Variants in ANAPC7 observed in about 807,000 individuals in gnomAD.
The protein encoded by ANAPC7 is anaphase-promoting complex subunit 7.
A neutral mutation model predicts 63.3 loss-of-function variants in ANAPC7; 25 were observed. That is an observed-to-expected ratio of 0.39 (90% CI 0.29 to 0.55). The LOEUF (loss-of-function observed/expected upper bound fraction) is 0.55. ANAPC7 is among the 20% of genes least tolerant of loss of function. ANAPC7 has a pLI of 0.57. For missense variants in ANAPC7, 516 were observed against 691.7 expected (o/e 0.75, Z 2.85); for synonymous variants, 241 against 251.7 (o/e 0.96, Z 0.40).
chr12:110,382,754 C>G (rs925772544), intron 7 of ANAPC7, 89 bp downstream of exon 7: 2 of 1,140,760 alleles, frequency 1.8e-6, no homozygotes, highest in Non-Finnish European at 2.5e-6. Context: ...CCTCTTAAAC[C>G]TGTGCTTTCA....
chr12:110,401,044 C>T (rs1020556616), intron 1 of ANAPC7, among the ~76,000 whole-genome samples: 1 of 152,038 alleles, frequency 6.6e-6, no homozygotes, highest in Admixed American at 6.5e-5. Context: ...AGCAAGACTC[C>T]GTCTGAAAAG....
intron 3 of ANAPC7, among the ~76,000 whole-genome samples, chr12:110,394,522 G>A (rs1441869610): frequency 2.7e-5 from 4 of 150,756 alleles, no homozygotes; most frequent in African/African-American, 9.8e-5. Flanking sequence ...CCAGCTACTC[G>A]GGAGGCTGAG....
rs765593613 is a variant in ANAPC7, at chr12:110,374,126, C to T, written c.*18G>A. 5 of 1,598,290 alleles carry T rather than the reference C, an allele frequency of 3.1e-6. No individual in the cohort carries two copies. In the South Asian group the frequency reaches 4.5e-5, roughly 14 times the overall value. On this transcript the variant is annotated 3_prime_UTR_variant, in exon 11 of 11. Transcript: ENST00000455511. Reference sequence around the variant, plus strand: ...TCAGAGCAGGGCAGGCCACTGCGGCCATGGAGCTGCCGCCCCCTCACTGCA... The same window carrying T: ...TCAGAGCAGGGCAGGCCACTGCGGCTATGGAGCTGCCGCCCCCTCACTGCA...
rs781367378 is a variant in ANAPC7 at position 110,381,780 on chromosome 12, G to T, written c.1104C>A (p.Leu368=). Residue 368 remains leucine (L), a synonymous_variant, in exon 8 of 11, where the codon CTC becomes CTA. Transcript: ENST00000455511. The part of the protein sequence containing the change: ...AIIHFREAIR[L]APCRLDCYEG... ...CATAACAATCTAAGCGACAAGGTGC[G>T]AGCCGTATGGCCTCCCGAAAGTGGA... 3 of 1,613,558 alleles carry T rather than the reference G, an allele frequency of 1.9e-6. No individual in the cohort carries two copies. Among genetic ancestry groups the T allele is most frequent in the Non-Finnish European group, 1.7e-6 (2 of 1,179,962 alleles).
chr12:110,374,395 G>A (rs987413438), intron 10 of ANAPC7, 62 bp from the exon 11 acceptor site: 93 of 1,524,710 alleles, frequency 6.1e-5, no homozygotes, highest in South Asian at 1.1e-4. Context: ...TGGCTGATTC[G>A]TCATCTCCCT....
Position 110,381,938 on chromosome 12 carries a change from A to C in ANAPC7, c.946T>G (p.Phe316Val). ...GCCCGGGAGTAGCGTTTGCTATAGA[A>C]GCTGTGACAGCTGGAGAAAAAAAAA... ...EPWVVSGCHS[F>V]YSKRYSRALY... Residue 316 changes from phenylalanine (F) to valine (V), a missense_variant, in exon 8 of 11, where the codon TTC becomes GTC. Phe to Val is a conservative substitution (Grantham distance 50). This residue lies in a region of ANAPC7 where 199 missense variants were observed against 249.3 expected (regional missense o/e 0.80). Transcript: ENST00000455511. 8.3e-7 allele frequency: 1 copy of C among 1,207,828 alleles called. No homozygotes were observed. Among genetic ancestry groups the C allele is most frequent in the East Asian group, 3.1e-5 (1 of 32,356 alleles). The allele number at this position is 1,207,828 out of a possible 1,614,324, so 74.8% of individuals were successfully genotyped here.
chr12:110,399,936 A>C (rs1437215982), intron 1 of ANAPC7, among the ~76,000 whole-genome samples: 1 of 152,098 alleles, frequency 6.6e-6, no homozygotes, highest in Admixed American at 6.6e-5. Flanking sequence ...TCTACTAAAA[A>C]TACGAAAATT....
At chr12:110,394,043 G>T (rs1275760286) in intron 3 of ANAPC7, among the ~76,000 whole-genome samples, 3 of 151,016 alleles carry the variant, frequency 2.0e-5, no homozygotes, top group Non-Finnish European at 4.4e-5. Context: ...GGGCGTGGTG[G>T]CGGGTGCCTG....
At chr12:110,399,863 A>C (rs2062203077) in intron 1 of ANAPC7, among the ~76,000 whole-genome samples, 1 of 151,794 alleles carries the variant, frequency 6.6e-6, no homozygotes, top group South Asian at 2.1e-4. Flanking sequence ...TGGGAGGCCA[A>C]GGAGGGAGGA....
Position 110,386,485 on chromosome 12 carries a change from TA to T in ANAPC7, c.675-17del. Reference sequence around the variant, plus strand: ...CTCTAGTGAACTTTAAGATATTTATTAAACATTGAACCTTTAAATCTATTAT... The same window carrying T: ...CTCTAGTGAACTTTAAGATATTTATTAACATTGAACCTTTAAATCTATTAT... On this transcript the variant is annotated splice_polypyrimidine_tract_variant and intron_variant, in intron 5 of 10. Transcript: ENST00000455511. The T allele has an allele frequency of 6.2e-7, 1 of 1,600,298 alleles. No homozygotes were observed. Among genetic ancestry groups the T allele is most frequent in the Non-Finnish European group, 8.5e-7 (1 of 1,170,672 alleles).
chr12:110,381,333 TG>T (rs755195184), intron 8 of ANAPC7, among the ~76,000 whole-genome samples: 22 of 151,358 alleles, frequency 1.5e-4, no homozygotes, highest in African/African-American at 4.9e-4. Flanking sequence ...GATGTTTTTT[TG>T]TTGTTGTTGT....
chr12:110,392,752 G>C (rs554146799), intron 3 of ANAPC7, among the ~76,000 whole-genome samples: 1 of 152,124 alleles, frequency 6.6e-6, no homozygotes, highest in Non-Finnish European at 1.5e-5. Context: ...CACACAGCTT[G>C]TATGCACCTA....
At chr12:110,385,538 T>C (rs1442429533) in intron 6 of ANAPC7, among the ~76,000 whole-genome samples, 1 of 152,170 alleles carries the variant, frequency 6.6e-6, no homozygotes, top group African/African-American at 2.4e-5. Flanking sequence ...TAAAACATCA[T>C]TTTCATCATG....
Position 110,388,509 on chromosome 12 carries a change from T to C in ANAPC7, c.520+3A>G. On this transcript the variant is annotated splice_donor_region_variant and intron_variant, in intron 4 of 10. Coordinates refer to ENST00000455511, the MANE Select transcript of ANAPC7 (RefSeq NM_016238.3). ...CATGAAAACAGGCAGGAAATATCTCTACCTAGAATGGCATCAAGGGCTAAT... is the reference window on the plus strand; with the variant it reads ...CATGAAAACAGGCAGGAAATATCTCCACCTAGAATGGCATCAAGGGCTAAT... 2 of 1,606,990 alleles carry C rather than the reference T, an allele frequency of 1.2e-6. No individual in the cohort carries two copies. The highest frequency in any genetic ancestry group is 1.7e-6 in the Non-Finnish European group (2 of 1,173,770).
intron 10 of ANAPC7, chr12:110,375,628 C>A (rs1566257209): frequency 1.2e-6 from 1 of 822,772 alleles, no homozygotes; most frequent in Non-Finnish European, 1.5e-6. Context: ...TAGTAACTTG[C>A]CCAAGATCAC....
At chr12:110,400,208 A>G (rs2062209625) in intron 1 of ANAPC7, among the ~76,000 whole-genome samples, 1 of 152,232 alleles carries the variant, frequency 6.6e-6, no homozygotes, top group Non-Finnish European at 1.5e-5. Context: ...TTAGATACAA[A>G]AGTATTATTA....
rs1259363076 is a variant in ANAPC7 at position 110,373,953 on chromosome 12, C to T, written c.*191G>A. 6 of 561,640 alleles carry T rather than the reference C, an allele frequency of 1.1e-5. No individual in the cohort carries two copies. In the East Asian group the frequency reaches 1.3e-4, roughly 12 times the overall value. The allele number at this position is 561,640 out of a possible 1,614,324, so 34.8% of individuals were successfully genotyped here. A position where few individuals can be genotyped will look rare whatever the true frequency, so the allele number is the denominator to read the frequency against. On this transcript the variant is annotated 3_prime_UTR_variant, in exon 11 of 11. Coordinates refer to ENST00000455511, the MANE Select transcript of ANAPC7 (RefSeq NM_016238.3). ...GCTGGAGCAGGGGAGGATGGAGATA[C>T]ATGGAAGGTTGGTCAGGCTCTGTTT... is the stretch of plus-strand genomic sequence containing the variant.
In ANAPC7 at chr12:110,395,113, T is replaced by G; in HGVS notation, c.396A>C (p.Gln132His). 6.2e-7 allele frequency: 1 copy of G among 1,612,788 alleles called. No individual in the cohort carries two copies. Among genetic ancestry groups the G allele is most frequent in the Non-Finnish European group, 8.5e-7 (1 of 1,179,468 alleles). ...IAILDGIPSR[Q>H]RTPKINMMLA... The stretch of plus-strand genomic sequence containing the variant: ...ACATTCAACTTACTTTGGGAGTTCT[T>G]TGTCTTGAAGGGATCCCATCAAGTA... Residue 132 changes from glutamine (Q) to histidine (H), a missense_variant, in exon 3 of 11, where the codon CAA becomes CAC. Coordinates refer to ENST00000455511, the MANE Select transcript of ANAPC7 (RefSeq NM_016238.3).
chr12:110,398,221 G>C (rs1219522972), intron 1 of ANAPC7, among the ~76,000 whole-genome samples: 1 of 152,110 alleles, frequency 6.6e-6, no homozygotes, highest in African/African-American at 2.4e-5. Context: ...ACTCCAGCCT[G>C]GGTGACAAGT....
Sources: allele counts gnomAD v4.1 joint callset (sites outside exome capture counted in the v4.1 genomes callset), GRCh38; gene constraint gnomAD v4.1.1; regional missense constraint gnomAD v4.1.1; transcripts MANE v1.5; gene names NCBI Gene and HGNC (gene_info 2026-07-23, HGNC 2026-07-21).